SPATA13: variants seen among roughly 807,000 people sequenced by gnomAD.
SPATA13 encodes spermatogenesis associated 13.
SPATA13 carries 50 observed loss-of-function variants against 104.0 expected under a neutral mutation model. The observed-to-expected ratio is 0.48, with a 90% confidence interval of 0.38 to 0.61. The LOEUF is 0.61. SPATA13 is among the 20% of genes least tolerant of loss of function. The probability of loss-of-function intolerance (pLI) is 0.00; values close to 1 mark genes in which losing one functional copy is unlikely to be tolerated. For synonymous variants in SPATA13, 606 were observed against 667.5 expected, an observed-to-expected ratio of 0.91 and a Z score of 1.42; for missense variants, 1,524 against 1,690.6, an observed-to-expected ratio of 0.90 and a Z score of 1.73.
At chr13:24,067,093 G>T (rs952353698) in intron 3 of SPATA13, among the ~76,000 whole-genome samples, 2 of 152,064 alleles carry the variant, frequency 1.3e-5, no homozygotes, top group African/African-American at 4.8e-5. Flanking sequence ...TCTTGGCTAG[G>T]ATCCAGCACC....
chr13:23,990,378 CCTCT>C (rs1360565800), intron 2 of SPATA13, among the ~76,000 whole-genome samples: 1 of 152,212 alleles, frequency 6.6e-6, no homozygotes, highest in Non-Finnish European at 1.5e-5. Flanking sequence ...TGGCTCACTC[CCTCT>C]GTTTCCTTGC....
chr13:24,293,361 C>G (rs1876539471), intron 9 of SPATA13, among the ~76,000 whole-genome samples: 1 of 151,854 alleles, frequency 6.6e-6, no homozygotes, highest in South Asian at 2.1e-4. Context: ...GAGTCAGAGC[C>G]AAAGACAATT....
chr13:24,085,161 C>G (rs1879676699), intron 3 of SPATA13, among the ~76,000 whole-genome samples: 1 of 152,088 alleles, frequency 6.6e-6, no homozygotes, highest in African/African-American at 2.4e-5. Flanking sequence ...CTTGCTCTGT[C>G]ACCTAGGCTG....
chr13:24,147,438 T>C (rs1403827957), intron 3 of SPATA13, among the ~76,000 whole-genome samples: 1 of 152,316 alleles, frequency 6.6e-6, no homozygotes, highest in East Asian at 1.9e-4. Flanking sequence ...ACGTTAATGC[T>C]GGCCAAGCTT....
chr13:24,106,797 T>C (rs1880468688), intron 3 of SPATA13, among the ~76,000 whole-genome samples: 1 of 152,154 alleles, frequency 6.6e-6, no homozygotes. Context: ...ACGTGAATAA[T>C]AGGTAGTCCT....
Position 24,205,674 on chromosome 13 carries a change from C to T in SPATA13, c.-111-17145C>T, listed in dbSNP as rs904076225. Among the ~76,000 whole-genome samples the T allele has an allele frequency of 2.6e-5, 4 of 152,172 alleles. No individual in the cohort carries two copies. The highest frequency in any genetic ancestry group is 5.9e-5 in the Non-Finnish European group (4 of 68,028). ...AAGCTGGAGGCATCACTTTACCCAACTTCAAACTATACTACAGGGTGACAG... is the reference window on the plus strand; with the variant it reads ...AAGCTGGAGGCATCACTTTACCCAATTTCAAACTATACTACAGGGTGACAG... On this transcript the variant is annotated intron_variant, in intron 1 of 12. Coordinates refer to ENST00000382108, the MANE Select transcript of SPATA13 (RefSeq NM_001166271.3). The surrounding 1 kb of genome is among the most constrained non-coding windows in gnomAD (Gnocchi z 4.1).
At chr13:24,112,018 T>C (rs1880656895) in intron 3 of SPATA13, among the ~76,000 whole-genome samples, 1 of 152,220 alleles carries the variant, frequency 6.6e-6, no homozygotes, top group Non-Finnish European at 1.5e-5. Context: ...TTCTTGACAG[T>C]TGGCAAATGG....
chr13:24,166,945 C>T (rs1882758204), intron 1 of SPATA13, among the ~76,000 whole-genome samples: 1 of 152,244 alleles, frequency 6.6e-6, no homozygotes, highest in South Asian at 2.1e-4. Context: ...TGGAGGGACA[C>T]ATACATTCAG....
chr13:24,055,357 A>C (rs1017680610), intron 3 of SPATA13, among the ~76,000 whole-genome samples: 2 of 152,184 alleles, frequency 1.3e-5, no homozygotes, highest in South Asian at 2.1e-4. Flanking sequence ...CCTGGGTTCA[A>C]ATCTCGACCT....
chr13:24,108,662 G>C (rs113474651), intron 3 of SPATA13, among the ~76,000 whole-genome samples: 62 of 75,880 alleles, frequency 8.2e-4, no homozygotes, highest in African/African-American at 2.7e-3. Context: ...TTCATGGTAG[G>C]GGGGGGGAAG....
chr13:24,032,012 C>A (rs1412359654), intron 3 of SPATA13, among the ~76,000 whole-genome samples: 1 of 152,184 alleles, frequency 6.6e-6, no homozygotes. Flanking sequence ...GCTTCTGAAT[C>A]TTCTGCTATG....
At chr13:24,295,646 G>A (rs1279901640) in intron 10 of SPATA13, among the ~76,000 whole-genome samples, 3 of 145,816 alleles carry the variant, frequency 2.1e-5, no homozygotes, top group African/African-American at 5.1e-5. Context: ...TACAATGCCT[G>A]TAATAATGGT....
chr13:24,060,985 G>A (rs2137754115), intron 3 of SPATA13, among the ~76,000 whole-genome samples: 1 of 152,276 alleles, frequency 6.6e-6, no homozygotes, highest in African/African-American at 2.4e-5. Context: ...GTTGCAGTGA[G>A]CTGAGAGCAC....
At chr13:24,035,264 C>T (rs1334594724) in intron 3 of SPATA13, among the ~76,000 whole-genome samples, 4 of 144,234 alleles carry the variant, frequency 2.8e-5, no homozygotes, top group Non-Finnish European at 4.4e-5. Flanking sequence ...AGGCAATTCT[C>T]GTGCCTCAGC....
At chr13:24,024,926 TC>T (rs1877139056) in intron 3 of SPATA13, among the ~76,000 whole-genome samples, 1 of 149,538 alleles carries the variant, frequency 6.7e-6, no homozygotes, top group Non-Finnish European at 1.5e-5. Flanking sequence ...TTAAAAACAT[TC>T]AAATTCATAT....
chr13:24,211,951 A>G (rs1871041354), intron 1 of SPATA13, among the ~76,000 whole-genome samples: 1 of 151,900 alleles, frequency 6.6e-6, no homozygotes. Flanking sequence ...TCATAACAAC[A>G]CCAGTGCTCC....
At chr13:24,178,370 A>G (rs1297734956) in intron 1 of SPATA13, among the ~76,000 whole-genome samples, 1 of 152,204 alleles carries the variant, frequency 6.6e-6, no homozygotes, top group South Asian at 2.1e-4. Context: ...AGTAGACATC[A>G]TTTTGATACT....
chr13:24,198,726 C>T (rs558798415), intron 1 of SPATA13, among the ~76,000 whole-genome samples: 1 of 152,232 alleles, frequency 6.6e-6, no homozygotes, highest in East Asian at 1.9e-4. Flanking sequence ...TCTGGGTCGT[C>T]CTGTGAGGGC....
intron 3 of SPATA13, among the ~76,000 whole-genome samples, chr13:24,018,404 CAAGT>C (rs1315244512): frequency 6.6e-6 from 1 of 152,146 alleles, no homozygotes; most frequent in East Asian, 1.9e-4. Context: ...TAAAGACTAA[CAAGT>C]AAAGAATCTG....
Sources: allele counts gnomAD v4.1 joint callset (sites outside exome capture counted in the v4.1 genomes callset), GRCh38; gene constraint gnomAD v4.1.1; non-coding constraint Gnocchi (gnomAD v3.1); transcripts MANE v1.5; gene names NCBI Gene and HGNC (gene_info 2026-07-23, HGNC 2026-07-21).